SYTL5: variants seen among roughly 807,000 people sequenced by gnomAD.
SYTL5 encodes synaptotagmin-like protein 5.
Under a neutral mutation model 55.9 loss-of-function variants are expected in SYTL5, and 34 were observed. That is an observed-to-expected ratio of 0.61 (90% CI 0.46 to 0.81). The LOEUF (loss-of-function observed/expected upper bound fraction) is 0.81. Ranked by LOEUF, SYTL5 falls within the 30% of genes least tolerant of loss-of-function variation. The pLI is 0.00. For missense variants in SYTL5, 637 were observed against 546.7 expected (o/e 1.17, Z -1.65); for synonymous variants, 221 against 188.7 (o/e 1.17, Z -1.40).
At chrX:37,995,390 T>C in the SYTL5 span, among the ~76,000 whole-genome samples, 5 of 112,107 alleles carry the variant, frequency 4.5e-5, no homozygotes, top group South Asian at 3.8e-4. Flanking sequence ...TCCTTAGGGC[T>C]ATTTGGGAGA....
the SYTL5 span, among the ~76,000 whole-genome samples, chrX:37,997,751 T>C: frequency 1.8e-5 from 2 of 112,154 alleles, no homozygotes; most frequent in Admixed American, 1.9e-4. Flanking sequence ...AGGTCCACAT[T>C]GAGGCCCCGA....
chrX:37,905,809 C>T, the SYTL5 span, among the ~76,000 whole-genome samples: 1 of 113,189 alleles, frequency 8.8e-6, no homozygotes, highest in Non-Finnish European at 1.9e-5. Context: ...GCTTTCACCC[C>T]TTGGCAGCGG....
the SYTL5 span, among the ~76,000 whole-genome samples, chrX:37,934,207 T>C: frequency 9.1e-6 from 1 of 109,572 alleles, no homozygotes; most frequent in African/African-American, 3.3e-5. Flanking sequence ...GAAAAATGAG[T>C]CAATAGAAAC....
intron 16 of SYTL5, 30 bp downstream of exon 16, chrX:38,125,536 T>C (rs1271850883): frequency 4.4e-6 from 5 of 1,139,461 alleles, no homozygotes; most frequent in Non-Finnish European, 6.0e-6. Flanking sequence ...ACAGGGATGG[T>C]CTGTGACTAG....
intron 1 of SYTL5, among the ~76,000 whole-genome samples, chrX:38,020,579 G>A (rs1047354620): frequency 2.8e-5 from 3 of 106,611 alleles, no homozygotes; most frequent in Non-Finnish European, 5.8e-5. Context: ...TATTAATAAT[G>A]GTATTAATTA....
At chrX:37,901,097 G>T in the SYTL5 span, among the ~76,000 whole-genome samples, 1 of 111,570 alleles carries the variant, frequency 9.0e-6, no homozygotes, top group Non-Finnish European at 1.9e-5. Flanking sequence ...AAGATTTATT[G>T]TATAAATAGA....
chrX:38,089,876 G>C (rs1936756318), intron 7 of SYTL5, among the ~76,000 whole-genome samples: 1 of 111,786 alleles, frequency 8.9e-6, no homozygotes, highest in African/African-American at 3.3e-5. Context: ...CGTGGAGATT[G>C]TGGGGATTAC....
chrX:37,917,754 G>C, the SYTL5 span, among the ~76,000 whole-genome samples: 3 of 111,189 alleles, frequency 2.7e-5, no homozygotes, highest in Non-Finnish European at 5.7e-5. Context: ...GCATTTATTA[G>C]CAAATAGCTA....
chrX:37,934,372 A>C, the SYTL5 span, among the ~76,000 whole-genome samples: 1 of 109,554 alleles, frequency 9.1e-6, no homozygotes, highest in African/African-American at 3.3e-5. Flanking sequence ...AAAGTATTTA[A>C]AAAGAAACTT....
At chrX:37,893,662 CTA>C in the SYTL5 span, among the ~76,000 whole-genome samples, 10 of 54,280 alleles carry the variant, frequency 1.8e-4, 1 homozygote, top group East Asian at 4.0e-4. Context: ...TATATAAAAT[CTA>C]TATATATAAT....
intron 3 of SYTL5, among the ~76,000 whole-genome samples, chrX:38,063,889 G>A (rs768481078): frequency 2.7e-4 from 30 of 111,632 alleles, no homozygotes; most frequent in African/African-American, 9.8e-4. Context: ...ATGTATGAGT[G>A]TGTACACTCA....
At chrX:37,895,149 A>G in the SYTL5 span, among the ~76,000 whole-genome samples, 2 of 112,250 alleles carry the variant, frequency 1.8e-5, no homozygotes, top group African/African-American at 6.5e-5. Flanking sequence ...CATCTATTAG[A>G]AAAACGCTCA....
At position 38,127,568 on chromosome X, in the gene SYTL5, C is replaced by A. The variant is rs1937687017; in HGVS notation, c.*838C>A. The A allele has an allele frequency of 8.9e-6, 1 of 112,009 alleles. No individual in the cohort carries two copies. The highest frequency in any genetic ancestry group is 9.5e-5 in the Admixed American group (1 of 10,572). The allele number at this position is 112,009 out of a possible 1,213,427, so 9.2% of individuals were successfully genotyped here. A position where few individuals can be genotyped will look rare whatever the true frequency, so the allele number is the denominator to read the frequency against. On this transcript the variant is annotated 3_prime_UTR_variant, in exon 17 of 17. Coordinates refer to ENST00000297875, the MANE Select transcript of SYTL5 (RefSeq NM_138780.3). ...AATGAAAAAGGAGGTACTCTACCTGCTATTTTACTTCTGTTCCTCTTCTGC... is the reference window on the plus strand; with the variant it reads ...AATGAAAAAGGAGGTACTCTACCTGATATTTTACTTCTGTTCCTCTTCTGC...
At chrX:38,000,048 C>A in the SYTL5 span, among the ~76,000 whole-genome samples, 2 of 112,071 alleles carry the variant, frequency 1.8e-5, no homozygotes. Flanking sequence ...CTTGTGAGGT[C>A]TCATTCTTGA....
the SYTL5 span, chrX:37,994,239 G>C: frequency 1.8e-5 from 2 of 112,396 alleles, no homozygotes; most frequent in Admixed American, 9.4e-5. Context: ...TGAGGGGCTG[G>C]AGCATAGGGA....
At chrX:37,990,704 A>G in the SYTL5 span, 3 of 943,869 alleles carry the variant, frequency 3.2e-6, no homozygotes, top group Non-Finnish European at 4.2e-6. Context: ...GATGTCACAA[A>G]GGCAGCTAGC....
At chrX:38,055,537 C>T (rs1935757497) in intron 3 of SYTL5, among the ~76,000 whole-genome samples, 1 of 111,939 alleles carries the variant, frequency 8.9e-6, no homozygotes, top group Non-Finnish European at 1.9e-5. Context: ...TGTTCATCTA[C>T]CTTTCCTGTG....
intron 13 of SYTL5, among the ~76,000 whole-genome samples, chrX:38,115,483 CAAAAAA>C (rs772227891): frequency 2.9e-4 from 5 of 17,465 alleles, no homozygotes; most frequent in African/African-American, 6.4e-4. Context: ...GACTCCGTCT[CAAAAAA>C]AAAAAAAAAA....
intron 3 of SYTL5, among the ~76,000 whole-genome samples, chrX:38,059,431 T>A (rs1935879648): frequency 9.0e-6 from 1 of 111,466 alleles, no homozygotes; most frequent in Admixed American, 9.5e-5. Context: ...TGAAAGGGAA[T>A]TAGGATAAGG....
Sources: gnomAD v4.1 joint callset for allele counts (sites outside exome capture counted in the v4.1 genomes callset) on GRCh38, gnomAD v4.1.1 for gene constraint, MANE v1.5 for transcripts, NCBI Gene and HGNC (gene_info 2026-07-23, HGNC 2026-07-21) for gene names.